Variants in HMCN2 observed in about 807,000 individuals in gnomAD.
HMCN2 encodes hemicentin-2.
HMCN2 carries 325 observed loss-of-function variants against 377.5 expected under a neutral mutation model. The ratio of observed to expected loss-of-function variants is 0.86; its 90% CI spans 0.79 to 0.94. HMCN2 has a LOEUF of 0.94. Ranked by LOEUF, HMCN2 falls within the 40% of genes least tolerant of loss-of-function variation. The probability of loss-of-function intolerance (pLI) is 0.00; values close to 1 mark genes in which losing one functional copy is unlikely to be tolerated. For synonymous variants in HMCN2, 2,007 were observed against 2,046.8 expected, an observed-to-expected ratio of 0.98 and a Z score of 0.53; for missense variants, 4,543 against 4,725.3, an observed-to-expected ratio of 0.96 and a Z score of 1.13.
rs548774689 is a variant in HMCN2 at position 130,360,273 on chromosome 9, C to T, written c.5774-155C>T. ...TGCCCACCACACCAGCAGAGTCTGA[C>T]GGGCTGGCAGCACCCTTGCTTCTCT... On this transcript the variant is annotated intron_variant, in intron 37 of 97. Coordinates refer to ENST00000683500, the MANE Select transcript of HMCN2 (RefSeq NM_001291815.2). This position sits in a 1 kb window ranked among gnomAD's most constrained non-coding sequence, Gnocchi z 4.7. 2.6e-5 allele frequency among the ~76,000 whole-genome samples: 4 copies of T among 152,002 alleles called. No individual in the cohort carries two copies. Among genetic ancestry groups the T allele is most frequent in the African/African-American group, 7.2e-5 (3 of 41,454 alleles).
At chr9:130,390,432 CTT>C (rs1158702680) in intron 62 of HMCN2, among the ~76,000 whole-genome samples, 20 of 152,184 alleles carry the variant, frequency 1.3e-4, no homozygotes, top group Admixed American at 1.3e-4. Context: ...TTGCTCGTGT[CTT>C]TGTGTTGAGA....
chr9:130,343,624 G>C (rs1470519325), intron 25 of HMCN2, among the ~76,000 whole-genome samples: 4 of 152,170 alleles, frequency 2.6e-5, no homozygotes, highest in African/African-American at 9.7e-5. Flanking sequence ...GCGCTTTTGG[G>C]AGGTGGGAGA....
intron 74 of HMCN2, among the ~76,000 whole-genome samples, chr9:130,398,199 A>G (rs951187322): frequency 6.6e-6 from 1 of 151,410 alleles, no homozygotes; most frequent in Middle Eastern, 3.4e-3. Context: ...TGAAAGGATA[A>G]AATTCAAAAT....
In HMCN2 at chr9:130,302,962, G is replaced by T. The variant is rs1442294565; in HGVS notation, c.1382G>T (p.Arg461Leu). Reference sequence around the variant, plus strand: ...GCCCTTCCCTTCCGGCTGCAGCTGCGGCGAGGTGAAGCCAGGCTGGGCGAA... The same window carrying T: ...GCCCTTCCCTTCCGGCTGCAGCTGCTGCGAGGTGAAGCCAGGCTGGGCGAA... The part of the protein sequence containing the change: ...HSALPFRLQL[R>L]RGEARLGEER... Residue 461 changes from arginine (R) to leucine (L), a missense_variant, in exon 9 of 98, where the codon CGG (arginine) becomes CTG (leucine). Arg to Leu is a moderately radical substitution (Grantham distance 102). Coordinates refer to ENST00000683500, the MANE Select transcript of HMCN2 (RefSeq NM_001291815.2). 2.1e-6 allele frequency: 1 copy of T among 470,814 alleles called. No homozygotes were observed. The highest frequency in any genetic ancestry group is 4.4e-6 in the Non-Finnish European group (1 of 226,864). 29.2% of individuals were successfully genotyped at this position (470,814 alleles called of 1,614,324 possible). A position where few individuals can be genotyped will look rare whatever the true frequency, so the allele number is the denominator to read the frequency against.
rs1423098203 is a variant in HMCN2, at chr9:130,270,270, G to GT, written c.259+4141dup. 8.0e-5 allele frequency among the ~76,000 whole-genome samples: 10 copies of GT among 125,746 alleles called. No homozygotes were observed. The South Asian group carries it at 8.7e-4, about 11-fold the overall frequency. 82.5% of individuals were successfully genotyped at this position (125,746 alleles called of 152,430 possible). On this transcript the variant is annotated intron_variant, in intron 1 of 97. Coordinates refer to ENST00000683500, the MANE Select transcript of HMCN2 (RefSeq NM_001291815.2). ...TTTCTTCACTTAGGTGCTTATAAAG[G>GT]TTTTTTTTGTTTGTTTGTTTGTTTG... is the stretch of plus-strand genomic sequence containing the variant.
intron 5 of HMCN2, 103 bp downstream of exon 5, chr9:130,295,129 T>C: frequency 3.4e-6 from 1 of 293,240 alleles, no homozygotes; most frequent in Non-Finnish European, 7.1e-6. Context: ...GCTTCAGACA[T>C]GAGGCTCCAG....
Position 130,395,258 on chromosome 9 carries a change from C to G in HMCN2, c.10822C>G (p.Leu3608Val), listed in dbSNP as rs1173517043. 2 of 1,289,498 alleles carry G rather than the reference C, an allele frequency of 1.6e-6. No individual in the cohort carries two copies. Among genetic ancestry groups the G allele is most frequent in the East Asian group, 1.1e-4 (2 of 18,010 alleles). The allele number at this position is 1,289,498 out of a possible 1,614,324, so 79.9% of individuals were successfully genotyped here. ...CCGAGGCCCCCGCTTTGTGGTCGGC[C>G]TGGCCCCAGGGCAGCTGGTCCTGGA... ...GPRGPRFVVG[L>V]APGQLVLECS... Residue 3608 changes from leucine (L) to valine (V), a missense_variant, in exon 71 of 98, where the codon CTG (leucine) becomes GTG (valine). By Grantham distance (32) the Leu-to-Val change is conservative (BLOSUM62 1). This residue lies in a region of HMCN2 where 1,073 missense variants were observed against 1,319.5 expected (regional missense o/e 0.81). Coordinates refer to ENST00000683500, the MANE Select transcript of HMCN2 (RefSeq NM_001291815.2).
At chr9:130,273,573 C>T (rs1272095957) in intron 1 of HMCN2, among the ~76,000 whole-genome samples, 2 of 152,094 alleles carry the variant, frequency 1.3e-5, no homozygotes, top group African/African-American at 4.8e-5. Flanking sequence ...TCTCAGCTCA[C>T]TGCAACCTCC....
intron 78 of HMCN2, 87 bp downstream of exon 78, chr9:130,402,983 TGAGGCCCCGGGTCTCA>T (rs367586364): frequency 2.3e-5 from 26 of 1,111,036 alleles, no homozygotes; most frequent in Non-Finnish European, 3.0e-5. Context: ...AGGATGGAGG[TGAGGCCCCGGGTCTCA>T]GAGGCCCCGA....
At chr9:130,321,307 A>C (rs1837839602) in intron 18 of HMCN2, among the ~76,000 whole-genome samples, 1 of 144,702 alleles carries the variant, frequency 6.9e-6, no homozygotes, top group Admixed American at 6.8e-5. Context: ...CTGAACGCAC[A>C]GTGGTTGCCT....
rs1309067281 is a variant in HMCN2, at chr9:130,424,810, C to T, written c.13416C>T (p.Ala4472=). The T allele has an allele frequency of 1.3e-6, 2 of 1,537,882 alleles. No homozygotes were observed. Among genetic ancestry groups the T allele is most frequent in the Non-Finnish European group, 1.8e-6 (2 of 1,139,520 alleles). ...TGCGGGTGCTCGTGGTCACCATCGC[C>T]CCCATCTACTGGGCCCTGGCCAGAG... ...PLMRVLVVTI[A]PIYWALARES... is the part of the protein sequence containing the mutation. Residue 4472 remains alanine, a synonymous_variant, in exon 88 of 98, where the codon GCC becomes GCT. Coordinates refer to ENST00000683500, the MANE Select transcript of HMCN2 (RefSeq NM_001291815.2).
rs185011513 is a variant in HMCN2, at chr9:130,375,749, G to T, written c.7804+13G>T. ...CAGCTGCTCCCAGGTGACGCCCTCT[G>T]GGGGGAAAGGAGGGAGGGAACAGGT... is the stretch of plus-strand genomic sequence containing the variant. On this transcript the variant is annotated intron_variant, in intron 50 of 97. Transcript: ENST00000683500. 400 of 985,434 alleles carry T rather than the reference G, an allele frequency of 4.1e-4. No individual in the cohort carries two copies. The highest frequency in any genetic ancestry group is 3.9e-3 in the Admixed American group (63 of 16,274). 61.0% of individuals were successfully genotyped at this position (985,434 alleles called of 1,614,324 possible).
Position 130,295,771 on chromosome 9 carries a change from A to G in HMCN2, c.890A>G (p.Lys297Arg), listed in dbSNP as rs1391610291. Reference sequence around the variant, plus strand: ...GAGCATCCGGGGCTGTGGTCCATCAAGGTAGGGGCACTGGGTTGCAGGAGA... The same window carrying G: ...GAGCATCCGGGGCTGTGGTCCATCAGGGTAGGGGCACTGGGTTGCAGGAGA... Reference protein sequence around the residue: ...KPEHPGLWSIKVYSSGRHSVR... With the variant: ...KPEHPGLWSIRVYSSGRHSVR... The change falls in exon 6 of 98, where the codon AAG becomes AGG. Residue 297 changes from lysine to arginine, a missense_variant and splice_region_variant. Physicochemically the swap from Lys to Arg is conservative, Grantham distance 26. Coordinates refer to ENST00000683500, the MANE Select transcript of HMCN2 (RefSeq NM_001291815.2). 6 of 470,774 alleles carry G rather than the reference A, an allele frequency of 1.3e-5. No individual in the cohort carries two copies. The highest frequency in any genetic ancestry group is 2.2e-5 in the Non-Finnish European group (5 of 226,950). 29.2% of individuals were successfully genotyped at this position (470,774 alleles called of 1,614,324 possible).
chr9:130,338,697 G>A (rs1278716466), intron 23 of HMCN2: 2 of 152,220 alleles, frequency 1.3e-5, no homozygotes, highest in South Asian at 2.1e-4. Flanking sequence ...CACTGAAAAG[G>A]GAGGGCGCTC....
Position 130,425,554 on chromosome 9 carries a change from C to T in HMCN2, c.13642-133C>T. On this transcript the variant is annotated intron_variant, in intron 89 of 97. Transcript: ENST00000683500. ...CATCTTCTCCCAAGCCTCCTCAAGCCCCTGAGTTGGGGTAAGGGTCTCAGG... is the reference window on the plus strand; with the variant it reads ...CATCTTCTCCCAAGCCTCCTCAAGCTCCTGAGTTGGGGTAAGGGTCTCAGG... The T allele has an allele frequency of 7.3e-6, 5 of 685,724 alleles. No individual in the cohort carries two copies. The South Asian group carries it at 9.1e-5, about 12-fold the overall frequency. 42.5% of individuals were successfully genotyped at this position (685,724 alleles called of 1,614,324 possible).
intron 71 of HMCN2, 127 bp from the exon 72 acceptor site, chr9:130,395,797 G>A (rs1286923880): frequency 5.0e-6 from 5 of 1,008,976 alleles, no homozygotes; most frequent in Non-Finnish European, 6.4e-6. Flanking sequence ...CAGGGCCTGC[G>A]GTCAGCCTGG....
At chr9:130,269,832 A>G (rs1834321069) in intron 1 of HMCN2, among the ~76,000 whole-genome samples, 1 of 145,600 alleles carries the variant, frequency 6.9e-6, no homozygotes, top group African/African-American at 2.5e-5. Flanking sequence ...GTTTTTTGAG[A>G]TGGAGTCTCG....
chr9:130,362,887 C>T lies in HMCN2; in HGVS notation c.6129C>T (p.Val2043=). 8.1e-6 allele frequency: 8 copies of T among 985,948 alleles called. No individual in the cohort carries two copies. Among genetic ancestry groups the T allele is most frequent in the Non-Finnish European group, 9.6e-6 (8 of 829,970 alleles). The allele number at this position is 985,948 out of a possible 1,614,324, so 61.1% of individuals were successfully genotyped here. ...PGLQVFPGGR[V]LTLASARASD... The stretch of plus-strand genomic sequence containing the variant: ...CACAGGTCTTCCCTGGGGGCCGGGT[C>T]CTCACCTTGGCTAGTGCCCGGGCCT... The change falls in exon 40 of 98, where the codon GTC becomes GTT. Residue 2043 remains valine, a synonymous_variant. Transcript: ENST00000683500.
rs775595551 is a variant in HMCN2, at chr9:130,428,527, G to A, written c.14197+38G>A. Reference sequence around the variant, plus strand: ...CAGCATGCGGCCTGTCCATACTCCTGGAAACCCAGAGGTTGCCAGGGATCA... The same window carrying A: ...CAGCATGCGGCCTGTCCATACTCCTAGAAACCCAGAGGTTGCCAGGGATCA... On this transcript the variant is annotated intron_variant, in intron 93 of 97. Transcript: ENST00000683500. This position sits in a 1 kb window ranked among gnomAD's most constrained non-coding sequence, Gnocchi z 5.0. 4.6e-6 allele frequency: 7 copies of A among 1,533,902 alleles called. No individual in the cohort carries two copies. The highest frequency in any genetic ancestry group is 3.6e-5 in the South Asian group (3 of 83,872).
Sources: allele counts gnomAD v4.1 joint callset (sites outside exome capture counted in the v4.1 genomes callset), GRCh38; gene constraint gnomAD v4.1.1; regional missense constraint gnomAD v4.1.1; non-coding constraint Gnocchi (gnomAD v3.1); transcripts MANE v1.5; gene names NCBI Gene and HGNC (gene_info 2026-07-23, HGNC 2026-07-21).